RANBP2: variants seen among roughly 807,000 people sequenced by gnomAD.
RANBP2 encodes RAN binding protein 2.
A neutral mutation model predicts 303.6 loss-of-function variants in RANBP2; 57 were observed. The ratio of observed to expected loss-of-function variants is 0.19; its 90% confidence interval spans 0.15 to 0.23. The LOEUF is 0.23. RANBP2 is among the 10% of genes least tolerant of loss of function. The pLI is 1.00. For missense variants in RANBP2, 3,138 were observed against 3,780.8 expected (o/e 0.83, Z 4.46); for synonymous variants, 1,167 against 1,301.5 (o/e 0.90, Z 2.23).
the RANBP2 span, among the ~76,000 whole-genome samples, chr2:109,246,687 C>T: frequency 2.0e-5 from 3 of 152,130 alleles, no homozygotes; most frequent in Non-Finnish European, 4.4e-5. Flanking sequence ...GTGGAATTGC[C>T]CTGGCTCGTC....
At chr2:109,075,683 C>T in the RANBP2 span, among the ~76,000 whole-genome samples, 11 of 148,032 alleles carry the variant, frequency 7.4e-5, no homozygotes, top group African/African-American at 2.7e-4. Flanking sequence ...CATAAAAGAC[C>T]ATTATGAACA....
At chr2:109,343,182 A>G in the RANBP2 span, among the ~76,000 whole-genome samples, 1 of 152,150 alleles carries the variant, frequency 6.6e-6, no homozygotes. Context: ...TTTCTCCCCC[A>G]TAATAGCATC....
the RANBP2 span, among the ~76,000 whole-genome samples, chr2:109,013,418 C>T: frequency 6.6e-6 from 1 of 152,182 alleles, no homozygotes; most frequent in Non-Finnish European, 1.5e-5. Context: ...CATCTGACCA[C>T]TATGAGAGTT....
chr2:109,563,265 TA>T, the RANBP2 span, among the ~76,000 whole-genome samples: 735 of 152,296 alleles, frequency 4.8e-3, 5 homozygotes, highest in African/African-American at 0.017. Context: ...AAACATTAAT[TA>T]ACTCCATAGA....
the RANBP2 span, among the ~76,000 whole-genome samples, chr2:109,465,139 C>T: frequency 6.6e-6 from 1 of 152,338 alleles, no homozygotes; most frequent in Non-Finnish European, 1.5e-5. Flanking sequence ...CATGTCTTCT[C>T]ATAGATTAGT....
chr2:109,590,379 G>A, the RANBP2 span, among the ~76,000 whole-genome samples: 1 of 151,838 alleles, frequency 6.6e-6, no homozygotes, highest in African/African-American at 2.4e-5. Flanking sequence ...GTCAGTCTTC[G>A]GAAGGGAGAC....
the RANBP2 span, among the ~76,000 whole-genome samples, chr2:108,987,500 G>A: frequency 6.6e-6 from 1 of 152,246 alleles, no homozygotes; most frequent in Admixed American, 6.5e-5. Context: ...CTTCACAAAT[G>A]TGTATGCCCA....
chr2:108,788,043 A>G (rs765325671), downstream of RANBP2: 12 of 1,575,354 alleles, frequency 7.6e-6, no homozygotes, highest in Non-Finnish European at 9.5e-6. Context: ...ATGATTTTTC[A>G]AATTTTTATC....
chr2:109,432,402 G>A, the RANBP2 span: 4 of 1,486,140 alleles, frequency 2.7e-6, no homozygotes, highest in East Asian at 9.8e-5. Context: ...GTCTTTTTAG[G>A]TTGGGTTCCT....
chr2:109,680,830 C>G, the RANBP2 span, among the ~76,000 whole-genome samples: 3 of 152,164 alleles, frequency 2.0e-5, no homozygotes, highest in East Asian at 5.8e-4. Flanking sequence ...ATAAAAATGA[C>G]AGCACCCAGT....
chr2:109,086,165 T>C, the RANBP2 span, among the ~76,000 whole-genome samples: 1 of 152,200 alleles, frequency 6.6e-6, no homozygotes, highest in Middle Eastern at 3.2e-3. Flanking sequence ...GTTTTGCTTA[T>C]CCAGTCATCC....
the RANBP2 span, among the ~76,000 whole-genome samples, chr2:108,959,569 A>AGCAGTCATG: frequency 9.2e-3 from 1,407 of 152,292 alleles, 25 homozygotes; most frequent in African/African-American, 0.031. Flanking sequence ...TGGTTCTCAC[A>AGCAGTCATG]GCAGTCATGG....
chr2:109,437,478 C>T, the RANBP2 span, among the ~76,000 whole-genome samples: 2 of 152,218 alleles, frequency 1.3e-5, no homozygotes. Flanking sequence ...TTCATTGTGG[C>T]AAGAGGGCCT....
chr2:109,183,412 G>A, the RANBP2 span, among the ~76,000 whole-genome samples: 1 of 152,176 alleles, frequency 6.6e-6, no homozygotes, highest in Non-Finnish European at 1.5e-5. Context: ...TGGAAACAAA[G>A]CTCTACCTTA....
the RANBP2 span, among the ~76,000 whole-genome samples, chr2:109,182,089 G>T: frequency 3.9e-5 from 6 of 152,260 alleles, no homozygotes; most frequent in East Asian, 3.9e-4. Context: ...GTAGGTAATT[G>T]CTTCACCTGT....
the RANBP2 span, among the ~76,000 whole-genome samples, chr2:109,424,214 C>A: frequency 6.6e-6 from 1 of 152,182 alleles, no homozygotes; most frequent in Admixed American, 6.5e-5. Context: ...GACAGCCCTG[C>A]GGAGTTTCCC....
In RANBP2 at chr2:108,753,887, A is replaced by G. The variant is rs1281839647; in HGVS notation, c.2118A>G (p.Glu706=). ...CCCTTTCTCCTGAAGAACAAGAAGAATGCAAAAATTATCTGAGAAAGACCA... is the reference window on the plus strand; with the variant it reads ...CCCTTTCTCCTGAAGAACAAGAAGAGTGCAAAAATTATCTGAGAAAGACCA... ...NDALSPEEQE[E]CKNYLRKTRD... The change falls in exon 15 of 29, where the codon GAA becomes GAG. Residue 706 remains glutamate (E), a synonymous_variant. Coordinates refer to ENST00000283195, the MANE Select transcript of RANBP2 (RefSeq NM_006267.5). The G allele has an allele frequency of 6.2e-7, 1 of 1,612,038 alleles. No individual in the cohort carries two copies. Among genetic ancestry groups the G allele is most frequent in the African/African-American group, 1.3e-5 (1 of 74,992 alleles).
At position 108,764,117 on chromosome 2, in the gene RANBP2, A is replaced by T. The variant is rs779416468; in HGVS notation, c.3578A>T (p.Glu1193Val). ...AAAACTGGTGAGGAAGATGAAGAAGAATTCTTTTGCAACCGCGCGAAATTG... is the reference window on the plus strand; with the variant it reads ...AAAACTGGTGAGGAAGATGAAGAAGTATTCTTTTGCAACCGCGCGAAATTG... The part of the protein sequence containing the change: ...EVKTGEEDEE[E>V]FFCNRAKLFR... Residue 1193 changes from glutamate to valine, a missense_variant, in exon 20 of 29, where the codon GAA becomes GTA. Around this residue, in one of 20 missense-constraint regions of RANBP2, gnomAD observed 403 missense variants for 376.7 expected, o/e 1.07. Coordinates refer to ENST00000283195, the MANE Select transcript of RANBP2 (RefSeq NM_006267.5). The T allele has an allele frequency of 1.2e-6, 2 of 1,614,002 alleles. No homozygotes were observed. The highest frequency in any genetic ancestry group is 1.7e-6 in the Non-Finnish European group (2 of 1,180,008).
At chr2:109,199,164 C>T in the RANBP2 span, among the ~76,000 whole-genome samples, 1 of 151,906 alleles carries the variant, frequency 6.6e-6, no homozygotes, top group South Asian at 2.1e-4. Context: ...TCGAGACCAT[C>T]CTGGCTAACA....
Sources: gnomAD v4.1 joint callset for allele counts (sites outside exome capture counted in the v4.1 genomes callset) on GRCh38, gnomAD v4.1.1 for gene constraint, gnomAD v4.1.1 regional missense constraint, MANE v1.5 for transcripts, NCBI Gene and HGNC (gene_info 2026-07-23, HGNC 2026-07-21) for gene names.